CLIC2: variants seen among roughly 807,000 people sequenced by gnomAD.
CLIC2 encodes the protein chloride intracellular channel protein 2.
In CLIC2, 9 loss-of-function variants were observed where a neutral mutation model predicts 14.8. The observed-to-expected ratio is 0.61, with a 90% CI of 0.37 to 1.06. The LOEUF (loss-of-function observed/expected upper bound fraction) is 1.06, where lower values mean the gene tolerates loss of function less well. CLIC2 is among the 50% of genes least tolerant of loss of function. The pLI is 0.01. For missense variants in CLIC2, 148 were observed against 181.4 expected (o/e 0.82, Z 1.06); for synonymous variants, 61 against 66.3 (o/e 0.92, Z 0.39).
At chrX:155,328,456 T>C (rs1457097989) in intron 1 of CLIC2, among the ~76,000 whole-genome samples, 2 of 110,660 alleles carry the variant, frequency 1.8e-5, no homozygotes, top group Non-Finnish European at 3.8e-5. Context: ...TACTAAAAGA[T>C]TTCTACCTGA....
rs188971390 is a variant in CLIC2 at position 155,292,633 on chromosome X, G to A, written c.293+6152C>T. On this transcript the variant is annotated intron_variant, in intron 3 of 5. Transcript: ENST00000369449. ...AAAATACAAAAAATTAGCCGGGCGTGGTGGCGGGCGCCTGTAGTCCCAGCT... is the reference window on the plus strand; with the variant it reads ...AAAATACAAAAAATTAGCCGGGCGTAGTGGCGGGCGCCTGTAGTCCCAGCT... The A allele has an allele frequency of 6.3e-3, 1,466 of 233,401 alleles. 7 individuals are homozygous for A. Among genetic ancestry groups the A allele is most frequent in the Non-Finnish European group, 8.9e-3 (1,171 of 131,484 alleles). The allele number at this position is 233,401 out of a possible 1,213,427, so 19.2% of individuals were successfully genotyped here. A position where few individuals can be genotyped will look rare whatever the true frequency, so the allele number is the denominator to read the frequency against.
chrX:155,315,527 A>G (rs1557321007), intron 1 of CLIC2, among the ~76,000 whole-genome samples: 1 of 111,998 alleles, frequency 8.9e-6, no homozygotes, highest in Admixed American at 9.5e-5. Flanking sequence ...TAAATGAAGA[A>G]AAGATACAGT....
rs781823315 is a variant in CLIC2 at position 155,280,086 on chromosome X, G to A, written c.294-18C>T. On this transcript the variant is annotated intron_variant, in intron 3 of 5. Transcript: ENST00000369449. ...GAGGGTACCTTAAAAAGAAACATGC[G>A]TCAACTATCATTTGCACATAACATG... 17 of 1,058,188 alleles carry A rather than the reference G, an allele frequency of 1.6e-5. No individual in the cohort carries two copies. In the South Asian group the frequency reaches 2.1e-4, roughly 13 times the overall value. The allele number at this position is 1,058,188 out of a possible 1,213,427, so 87.2% of individuals were successfully genotyped here.
At chrX:155,304,171 A>G (rs1162365708) in intron 1 of CLIC2, among the ~76,000 whole-genome samples, 1 of 108,316 alleles carries the variant, frequency 9.2e-6, no homozygotes. Flanking sequence ...TATCCCGCAG[A>G]GTGTTTTCCA....
chrX:155,285,076 A>G (rs1207716860), intron 3 of CLIC2, among the ~76,000 whole-genome samples: 2 of 112,428 alleles, frequency 1.8e-5, no homozygotes, highest in African/African-American at 6.5e-5. Context: ...CACCATTTCC[A>G]TTAATGTGGG....
chrX:155,304,270 T>G (rs1354876351), intron 1 of CLIC2, among the ~76,000 whole-genome samples: 1 of 101,607 alleles, frequency 9.8e-6, no homozygotes, highest in African/African-American at 3.6e-5. Flanking sequence ...CTTGGAGGCT[T>G]TGCTCATTTC....
At chrX:155,321,140 T>G (rs999423513) in intron 1 of CLIC2, among the ~76,000 whole-genome samples, 7 of 111,882 alleles carry the variant, frequency 6.3e-5, no homozygotes, top group African/African-American at 1.6e-4. Context: ...AAAACACTCT[T>G]CAGGATATTA....
At chrX:155,316,933 G>A (rs1214013025) in intron 1 of CLIC2, among the ~76,000 whole-genome samples, 1 of 111,090 alleles carries the variant, frequency 9.0e-6, no homozygotes, top group Non-Finnish European at 1.9e-5. Flanking sequence ...GATTAAGGGT[G>A]GGTGTGCCTT....
chrX:155,308,230 G>A (rs1285004930), intron 1 of CLIC2, among the ~76,000 whole-genome samples: 2 of 109,963 alleles, frequency 1.8e-5, no homozygotes, highest in African/African-American at 6.6e-5. Context: ...TAAAAGAATC[G>A]AGTGGAAATT....
intron 3 of CLIC2, among the ~76,000 whole-genome samples, chrX:155,294,575 A>G (rs1434751102): frequency 8.9e-6 from 1 of 112,259 alleles, no homozygotes; most frequent in Non-Finnish European, 1.9e-5. Context: ...AATACAGACT[A>G]AAAAATACAA....
chrX:155,318,799 G>A (rs1569561374), intron 1 of CLIC2, among the ~76,000 whole-genome samples: 1 of 111,762 alleles, frequency 8.9e-6, no homozygotes, highest in Non-Finnish European at 1.9e-5. Context: ...CTCATTACCC[G>A]ACTTCAAACT....
At chrX:155,318,625 A>G (rs781851750) in intron 1 of CLIC2, among the ~76,000 whole-genome samples, 2 of 112,290 alleles carry the variant, frequency 1.8e-5, no homozygotes, top group African/African-American at 6.5e-5. Flanking sequence ...TATTGTGAAA[A>G]TGACCATACT....
At chrX:155,304,902 G>A (rs1416880985) in intron 1 of CLIC2, among the ~76,000 whole-genome samples, 23 of 101,247 alleles carry the variant, frequency 2.3e-4, no homozygotes, top group African/African-American at 7.7e-4. Flanking sequence ...GGGGGTCAGG[G>A]GTCAGGGACC....
chrX:155,303,801 G>A (rs1224605367), intron 1 of CLIC2, among the ~76,000 whole-genome samples: 1 of 100,421 alleles, frequency 1.0e-5, no homozygotes, highest in Non-Finnish European at 2.0e-5. Flanking sequence ...CTCAGCATTT[G>A]CTTGTCTGTA....
intron 1 of CLIC2, among the ~76,000 whole-genome samples, chrX:155,309,417 T>C (rs1306895497): frequency 8.9e-6 from 1 of 112,345 alleles, no homozygotes; most frequent in Non-Finnish European, 1.9e-5. Context: ...ATTACCATGA[T>C]ACCAAAACCA....
intron 1 of CLIC2, among the ~76,000 whole-genome samples, chrX:155,309,806 A>G (rs1459967249): frequency 8.9e-6 from 1 of 111,759 alleles, no homozygotes; most frequent in Non-Finnish European, 1.9e-5. Context: ...GTTACAATTC[A>G]AGATGAAATT....
intron 3 of CLIC2, among the ~76,000 whole-genome samples, chrX:155,295,198 C>T (rs1246204266): frequency 9.0e-6 from 1 of 111,430 alleles, no homozygotes; most frequent in Non-Finnish European, 1.9e-5. Context: ...ACCAGTGATA[C>T]AAGAATGGTT....
At chrX:155,306,781 C>T (rs139915177) in intron 1 of CLIC2, among the ~76,000 whole-genome samples, 1 of 110,331 alleles carries the variant, frequency 9.1e-6, no homozygotes, top group Non-Finnish European at 1.9e-5. Flanking sequence ...TTACAACAAC[C>T]AGATCTCATG....
intron 1 of CLIC2, among the ~76,000 whole-genome samples, chrX:155,300,915 G>C (rs1456449394): frequency 2.7e-5 from 2 of 74,473 alleles, no homozygotes; most frequent in South Asian, 7.3e-4. Flanking sequence ...TCTGAGGGCT[G>C]TGTTCTGTTC....
Sources: allele counts gnomAD v4.1 joint callset (sites outside exome capture counted in the v4.1 genomes callset), GRCh38; gene constraint gnomAD v4.1.1; transcripts MANE v1.5; gene names NCBI Gene and HGNC (gene_info 2026-07-23, HGNC 2026-07-21).